SCIN: variants seen among roughly 807,000 people sequenced by gnomAD.
The protein encoded by SCIN is adseverin.
A neutral mutation model predicts 91.8 loss-of-function variants in SCIN; 91 were observed. The ratio of observed to expected loss-of-function variants is 0.99; its 90% CI spans 0.84 to 1.18. SCIN has a LOEUF of 1.18. Ranked by LOEUF, SCIN falls within the 50% of genes most tolerant of loss-of-function variation. The pLI, the probability that SCIN is intolerant of heterozygous loss-of-function variation, is 0.00. For missense variants in SCIN, 1,087 were observed against 863.9 expected (o/e 1.26, Z -3.24); for synonymous variants, 367 against 312.6 (o/e 1.17, Z -1.84).
chr7:12,602,690 ACT>A lies in SCIN; in HGVS notation c.517-1819_517-1818del, dbSNP rs1390982826. Among the ~76,000 whole-genome samples, 6 of 152,052 alleles carry A rather than the reference ACT, an allele frequency of 3.9e-5. No homozygotes were observed. In the East Asian group the frequency reaches 1.2e-3, roughly 30 times the overall value. On this transcript the variant is annotated intron_variant, in intron 3 of 15. Transcript: ENST00000297029. ...CTCCTACTTGCACGTCCATTTATAG[ACT>A]CTCTGCAGGAAGAAAAATATGGTTC...
At chr7:12,601,634 A>G (rs940358704) in intron 3 of SCIN, among the ~76,000 whole-genome samples, 1 of 152,122 alleles carries the variant, frequency 6.6e-6, no homozygotes, top group Non-Finnish European at 1.5e-5. Flanking sequence ...AGCAGTGAGT[A>G]ATGTATGTGA....
Position 12,657,554 on chromosome 7 carries a change from ATATATATATATATATATAT to A in SCIN, c.*4841_*4859del, listed in dbSNP as rs1427794414. The A allele has an allele frequency of 5.7e-5, 1 of 17,528 alleles. No homozygotes were observed. The highest frequency in any genetic ancestry group is 1.3e-4 in the Non-Finnish European group (1 of 7,806). The allele number at this position is 17,528 out of a possible 1,614,324, so 1.1% of individuals were successfully genotyped here. A position where few individuals can be genotyped will look rare whatever the true frequency, so the allele number is the denominator to read the frequency against. The stretch of plus-strand genomic sequence containing the variant: ...TATGTGTGTGTATATATATATATAT[ATATATATATATATATATAT>A]TTTTTTTTTTTTTTTTTTTTTTTTT... On this transcript the variant is annotated 3_prime_UTR_variant, in exon 16 of 16. Coordinates refer to ENST00000297029, the MANE Select transcript of SCIN (RefSeq NM_001112706.3).
At chr7:12,575,429 G>C (rs1160651841) in intron 1 of SCIN, among the ~76,000 whole-genome samples, 1 of 151,722 alleles carries the variant, frequency 6.6e-6, no homozygotes, top group East Asian at 1.9e-4. Flanking sequence ...CCATTTTCTG[G>C]ATTTTATGGG....
At position 12,615,722 on chromosome 7, in the gene SCIN, T is replaced by C. The variant is rs539624647; in HGVS notation, c.667-7079T>C. Among the ~76,000 whole-genome samples the C allele has an allele frequency of 3.9e-5, 6 of 152,206 alleles. No individual in the cohort carries two copies. In the South Asian group the frequency reaches 6.2e-4, roughly 16 times the overall value. On this transcript the variant is annotated intron_variant, in intron 4 of 15. Coordinates refer to ENST00000297029, the MANE Select transcript of SCIN (RefSeq NM_001112706.3). ...TACACATTTTTTTTTGGAAAGAATA[T>C]ACATTTTCTTAATGTATAGCATAGA...
intron 3 of SCIN, among the ~76,000 whole-genome samples, chr7:12,590,974 A>G (rs367771114): frequency 6.6e-6 from 1 of 152,022 alleles, no homozygotes; most frequent in South Asian, 2.1e-4. Context: ...GCTTTTTGGG[A>G]GGAGGATCCT....
chr7:12,620,299 A>G (rs1783381135), intron 4 of SCIN, among the ~76,000 whole-genome samples: 1 of 152,100 alleles, frequency 6.6e-6, no homozygotes. Flanking sequence ...TGTCTCCAGA[A>G]CTTATTTATC....
intron 3 of SCIN, among the ~76,000 whole-genome samples, chr7:12,590,298 A>G (rs535729592): frequency 3.0e-4 from 46 of 152,302 alleles, no homozygotes; most frequent in African/African-American, 1.1e-3. Context: ...TCTATTTGCC[A>G]GTCCTCCCCT....
chr7:12,617,416 C>T (rs1273827596), intron 4 of SCIN, among the ~76,000 whole-genome samples: 1 of 152,056 alleles, frequency 6.6e-6, no homozygotes, highest in Non-Finnish European at 1.5e-5. Flanking sequence ...GAAGAATGCA[C>T]AGAAATTAGG....
rs1360592769 is a variant in SCIN at position 12,604,570 on chromosome 7, C to G, written c.573C>G (p.Asn191Lys). The stretch of plus-strand genomic sequence containing the variant: ...ACAAATATGAACGTCTGAAGGCAAA[C>G]CAGGTAGCTACTGGCATTCGGTACA... ...SCNKYERLKA[N>K]QVATGIRYNE... Residue 191 changes from asparagine (N) to lysine (K), a missense_variant, in exon 4 of 16, where the codon AAC (asparagine) becomes AAG (lysine). Asn to Lys is a moderately conservative substitution (Grantham distance 94). Coordinates refer to ENST00000297029, the MANE Select transcript of SCIN (RefSeq NM_001112706.3). The G allele has an allele frequency of 2.6e-6, 4 of 1,551,712 alleles. No individual in the cohort carries two copies. In the African/African-American group the frequency reaches 5.5e-5, roughly 21 times the overall value.
Position 12,644,663 on chromosome 7 carries a change from A to G in SCIN, c.1839A>G (p.Pro613=). Residue 613 remains proline (P), a synonymous_variant, in exon 13 of 16, where the codon CCA becomes CCG. Transcript: ENST00000297029. ...TGGAAACCCAGGCTGAAGACCATCCACCTCGGCTTTACGGCTGCTCTAACA... is the reference window on the plus strand; with the variant it reads ...TGGAAACCCAGGCTGAAGACCATCCGCCTCGGCTTTACGGCTGCTCTAACA... ...PLLETQAEDH[P]PRLYGCSNKT... 6.3e-7 allele frequency: 1 copy of G among 1,594,074 alleles called. No individual in the cohort carries two copies. The highest frequency in any genetic ancestry group is 1.1e-5 in the South Asian group (1 of 87,858).
At chr7:12,605,834 G>T (rs1006110956) in intron 4 of SCIN, among the ~76,000 whole-genome samples, 1 of 152,028 alleles carries the variant, frequency 6.6e-6, no homozygotes, top group African/African-American at 2.4e-5. Context: ...AGAATTATAC[G>T]CAACACACTT....
chr7:12,599,966 C>T (rs1326190450), intron 3 of SCIN, among the ~76,000 whole-genome samples: 3 of 152,132 alleles, frequency 2.0e-5, no homozygotes, highest in Non-Finnish European at 4.4e-5. Context: ...TGTGGGTTGT[C>T]TGTTAACTCT....
chr7:12,624,475 T>C (rs1420450551), intron 5 of SCIN, among the ~76,000 whole-genome samples: 3 of 152,252 alleles, frequency 2.0e-5, no homozygotes, highest in African/African-American at 7.2e-5. Context: ...AAAATCTTTG[T>C]GCATAAACTA....
chr7:12,644,736 C>T (rs1254229204), intron 13 of SCIN, 31 bp downstream of exon 13: 2 of 1,545,320 alleles, frequency 1.3e-6, no homozygotes, highest in South Asian at 1.2e-5. Context: ...TGCGATAGGG[C>T]TGGTTGCGGT....
intron 10 of SCIN, among the ~76,000 whole-genome samples, chr7:12,637,539 G>A (rs2115289385): frequency 6.6e-6 from 1 of 151,428 alleles, no homozygotes; most frequent in Non-Finnish European, 1.5e-5. Context: ...GAGAAGAGAG[G>A]GAAATCATGG....
In SCIN at chr7:12,633,395, T is replaced by G. The variant is rs1157577248; in HGVS notation, c.1320-2650T>G. 3.9e-5 allele frequency among the ~76,000 whole-genome samples: 6 copies of G among 152,314 alleles called. No homozygotes were observed. The South Asian group carries it at 1.2e-3, about 32-fold the overall frequency. On this transcript the variant is annotated intron_variant, in intron 9 of 15. Transcript: ENST00000297029. Reference sequence around the variant, plus strand: ...GAAAAAATATGTCAAAGTAGATTGCTTTTTTTGTTCAGTATACAATTTCAG... The same window carrying G: ...GAAAAAATATGTCAAAGTAGATTGCGTTTTTTGTTCAGTATACAATTTCAG...
At chr7:12,614,079 T>C (rs772581110) in intron 4 of SCIN, among the ~76,000 whole-genome samples, 50 of 152,300 alleles carry the variant, frequency 3.3e-4, no homozygotes, top group Non-Finnish European at 5.0e-4. Context: ...GACAAATATA[T>C]TGATTAAAAA....
intron 8 of SCIN, 88 bp downstream of exon 8, chr7:12,626,887 C>T (rs941141043): frequency 4.3e-5 from 50 of 1,166,646 alleles, no homozygotes; most frequent in Non-Finnish European, 5.7e-5. Context: ...GACAGGAGTT[C>T]GAGATCAGCC....
chr7:12,612,886 G>A (rs1001825456), intron 4 of SCIN, among the ~76,000 whole-genome samples: 1 of 152,106 alleles, frequency 6.6e-6, no homozygotes, highest in Non-Finnish European at 1.5e-5. Context: ...ATTTCATAAC[G>A]AAGACTTGTA....
Sources: gnomAD v4.1 joint callset for allele counts (sites outside exome capture counted in the v4.1 genomes callset) on GRCh38, gnomAD v4.1.1 for gene constraint, MANE v1.5 for transcripts, NCBI Gene and HGNC (gene_info 2026-07-23, HGNC 2026-07-21) for gene names.